Variants in MYO5B observed in about 807,000 individuals in gnomAD.
MYO5B encodes unconventional myosin-Vb.
A neutral mutation model predicts 229.3 loss-of-function variants in MYO5B; 143 were observed. The ratio of observed to expected loss-of-function variants is 0.62; its 90% CI spans 0.54 to 0.72. The LOEUF (loss-of-function observed/expected upper bound fraction) is 0.72, where lower values mean the gene tolerates loss of function less well. MYO5B is among the 30% of genes least tolerant of loss of function. The probability of loss-of-function intolerance (pLI) is 0.00; values close to 1 mark genes in which losing one functional copy is unlikely to be tolerated. For missense variants in MYO5B, 2,321 were observed against 2,331.0 expected, an observed-to-expected ratio of 1.00 and a Z score of 0.09; for synonymous variants, 918 against 885.2, an observed-to-expected ratio of 1.04 and a Z score of -0.66.
chr18:49,992,480 T>G (rs1043396252), intron 5 of MYO5B, 49 bp from the exon 6 acceptor site: 1 of 1,613,648 alleles, frequency 6.2e-7, no homozygotes, highest in African/African-American at 1.3e-5. Flanking sequence ...AGGGCTTTCT[T>G]GATTTCAGGA....
chr18:49,890,145 C>T (rs34739685), intron 22 of MYO5B, among the ~76,000 whole-genome samples: 10,032 of 152,266 alleles, frequency 0.066, 802 homozygotes, highest in East Asian at 0.25. Context: ...CATATTTCTC[C>T]AGGTACCAGC....
intron 1 of MYO5B, among the ~76,000 whole-genome samples, chr18:50,105,635 CT>C (rs572686430): frequency 0.041 from 5,969 of 145,896 alleles, 355 homozygotes; most frequent in African/African-American, 0.14. Flanking sequence ...GGGTGCATTT[CT>C]TTTTTTTTTT....
intron 12 of MYO5B, among the ~76,000 whole-genome samples, chr18:49,959,510 C>T (rs772007524): frequency 5.9e-5 from 9 of 152,256 alleles, no homozygotes; most frequent in South Asian, 2.1e-4. Flanking sequence ...AAACAGGGGG[C>T]GGGGGACACT....
chr18:50,100,636 G>A (rs755278974), intron 1 of MYO5B, among the ~76,000 whole-genome samples: 1 of 152,164 alleles, frequency 6.6e-6, no homozygotes. Context: ...ACTAGCTGTT[G>A]CTCAGGCACA....
rs534987973 is a variant in MYO5B at position 50,146,582 on chromosome 18, T to A, written c.27+48185A>T. ...CCTGTGTCCACCCTGCACCTAGATA[T>A]CTTTAGCGAAAAAGCACAAAGGCCT... is the stretch of plus-strand genomic sequence containing the variant. On this transcript the variant is annotated intron_variant, in intron 1 of 39. Coordinates refer to ENST00000285039, the MANE Select transcript of MYO5B (RefSeq NM_001080467.3). 3.3e-5 allele frequency among the ~76,000 whole-genome samples: 5 copies of A among 152,284 alleles called. No homozygotes were observed. The East Asian group carries it at 9.7e-4, about 29-fold the overall frequency.
intron 1 of MYO5B, among the ~76,000 whole-genome samples, chr18:50,082,850 C>T (rs1056191375): frequency 2.6e-5 from 4 of 152,208 alleles, no homozygotes; most frequent in Non-Finnish European, 5.9e-5. Flanking sequence ...ATGTGGACTT[C>T]TAACACCAGA....
At chr18:49,916,014 C>G (rs548127787) in intron 17 of MYO5B, among the ~76,000 whole-genome samples, 1 of 152,200 alleles carries the variant, frequency 6.6e-6, no homozygotes, top group African/African-American at 2.4e-5. Flanking sequence ...TTGACTCTTT[C>G]GGCTTTGCTG....
At chr18:50,062,226 T>C (rs2030704253) in intron 1 of MYO5B, among the ~76,000 whole-genome samples, 2 of 152,054 alleles carry the variant, frequency 1.3e-5, no homozygotes, top group African/African-American at 2.4e-5. Context: ...CACAGGTAGT[T>C]TCAGCATTAA....
intron 9 of MYO5B, 147 bp from the exon 10 acceptor site, chr18:49,974,762 C>T: frequency 2.8e-6 from 2 of 718,826 alleles, no homozygotes; most frequent in South Asian, 1.8e-5. Flanking sequence ...GCCCTGCTGC[C>T]AGCCCAGCAG....
chr18:49,881,369 C>G (rs1179558009), intron 22 of MYO5B, among the ~76,000 whole-genome samples: 4 of 151,982 alleles, frequency 2.6e-5, no homozygotes, highest in African/African-American at 9.7e-5. Context: ...TATTGACACT[C>G]AACTGTCTAA....
chr18:49,953,758 G>A (rs576111490), intron 13 of MYO5B, among the ~76,000 whole-genome samples: 1 of 152,116 alleles, frequency 6.6e-6, no homozygotes, highest in East Asian at 1.9e-4. Flanking sequence ...TACTGAGAAA[G>A]CAGCCCCCTG....
At chr18:50,050,436 T>C (rs1035830409) in intron 2 of MYO5B, among the ~76,000 whole-genome samples, 1 of 152,206 alleles carries the variant, frequency 6.6e-6, no homozygotes, top group African/African-American at 2.4e-5. Flanking sequence ...TGAGGAACCA[T>C]GTTTGATTAG....
chr18:50,161,240 C>T (rs1282939975), intron 1 of MYO5B, among the ~76,000 whole-genome samples: 3 of 152,088 alleles, frequency 2.0e-5, no homozygotes, highest in Non-Finnish European at 4.4e-5. Context: ...CAAAATTAGC[C>T]GGGCATGGTG....
At chr18:50,044,260 G>A (rs2721082) in intron 2 of MYO5B, among the ~76,000 whole-genome samples, 147,396 of 152,194 alleles carry the variant, frequency 0.97, 71,538 homozygotes, top group East Asian at 1. Flanking sequence ...AGACTTGAGA[G>A]CAGATTTTTT....
At chr18:49,908,957 A>G (rs1290871259) in intron 18 of MYO5B, among the ~76,000 whole-genome samples, 1 of 152,242 alleles carries the variant, frequency 6.6e-6, no homozygotes, top group Non-Finnish European at 1.5e-5. Flanking sequence ...ACAATTTATT[A>G]AAACCTCACT....
intron 1 of MYO5B, among the ~76,000 whole-genome samples, chr18:50,071,877 G>A (rs1294345686): frequency 6.6e-6 from 1 of 152,234 alleles, no homozygotes; most frequent in African/African-American, 2.4e-5. Context: ...GCATCTGAGA[G>A]GAATTTCACT....
chr18:50,029,705 ATCC>A (rs2144371156), intron 4 of MYO5B, among the ~76,000 whole-genome samples: 1 of 152,170 alleles, frequency 6.6e-6, no homozygotes, highest in East Asian at 1.9e-4. Flanking sequence ...TTCTCACTGG[ATCC>A]AAGTTCCTCT....
At chr18:50,158,755 A>G (rs1346023004) in intron 1 of MYO5B, among the ~76,000 whole-genome samples, 1 of 152,194 alleles carries the variant, frequency 6.6e-6, no homozygotes, top group Non-Finnish European at 1.5e-5. Flanking sequence ...CCAATCCAGA[A>G]CATGCCCCAT....
chr18:50,041,659 T>C (rs1166180098), intron 2 of MYO5B, among the ~76,000 whole-genome samples: 1 of 152,122 alleles, frequency 6.6e-6, no homozygotes, highest in African/African-American at 2.4e-5. Flanking sequence ...TAAGTTTAGA[T>C]AGAACAAACA....
Sources: allele counts gnomAD v4.1 joint callset (sites outside exome capture counted in the v4.1 genomes callset), GRCh38; gene constraint gnomAD v4.1.1; transcripts MANE v1.5; gene names NCBI Gene and HGNC (gene_info 2026-07-23, HGNC 2026-07-21).